USP10: variants seen among roughly 807,000 people sequenced by gnomAD.
USP10 encodes ubiquitin carboxyl-terminal hydrolase 10.
Under a neutral mutation model 84.5 loss-of-function variants are expected in USP10, and 22 were observed. That is an observed-to-expected ratio of 0.26 (90% CI 0.19 to 0.37). USP10 has a LOEUF of 0.37. Among genes scored for constraint, USP10 ranks in the 10% least tolerant of loss-of-function variants. The probability of loss-of-function intolerance (pLI) is 1.00; values close to 1 mark genes in which losing one functional copy is unlikely to be tolerated. For missense variants in USP10, 1,019 were observed against 998.9 expected, an observed-to-expected ratio of 1.02 and a Z score of -0.27; for synonymous variants, 454 against 387.6, an observed-to-expected ratio of 1.17 and a Z score of -2.01.
At chr16:84,712,794 G>A (rs1019268398) in intron 1 of USP10, among the ~76,000 whole-genome samples, 1 of 152,150 alleles carries the variant, frequency 6.6e-6, no homozygotes, top group East Asian at 1.9e-4. Flanking sequence ...TTGAATCCAG[G>A]TGACTGACCC....
At chr16:84,738,030 C>G (rs183608694) in intron 2 of USP10, among the ~76,000 whole-genome samples, 1 of 152,244 alleles carries the variant, frequency 6.6e-6, no homozygotes, top group South Asian at 2.1e-4. Context: ...TGTTCACACC[C>G]CGTGGTTGAA....
At chr16:84,717,604 A>G (rs890680277) in intron 1 of USP10, among the ~76,000 whole-genome samples, 2 of 152,186 alleles carry the variant, frequency 1.3e-5, no homozygotes, top group Non-Finnish European at 2.9e-5. Flanking sequence ...GGTGCCAAGC[A>G]TTTTACTAGG....
At chr16:84,742,718 C>T (rs573326518) in intron 3 of USP10, among the ~76,000 whole-genome samples, 1 of 152,336 alleles carries the variant, frequency 6.6e-6, no homozygotes, top group Admixed American at 6.5e-5. Context: ...GTGCAAGGCA[C>T]ATGGCGTCCA....
At chr16:84,725,193 C>G (rs957741394) in intron 1 of USP10, among the ~76,000 whole-genome samples, 2 of 152,158 alleles carry the variant, frequency 1.3e-5, no homozygotes, top group Non-Finnish European at 2.9e-5. Context: ...CACCGCCTCC[C>G]GCTCCCCCAT....
intron 13 of USP10, among the ~76,000 whole-genome samples, chr16:84,778,047 G>A (rs940092129): frequency 6.7e-6 from 1 of 148,840 alleles, no homozygotes; most frequent in Non-Finnish European, 1.5e-5. Context: ...TTAGGCCTTT[G>A]ACTAAGGCTT....
intron 4 of USP10, among the ~76,000 whole-genome samples, chr16:84,756,777 A>C (rs777765397): frequency 6.6e-6 from 1 of 152,234 alleles, no homozygotes; most frequent in East Asian, 1.9e-4. Context: ...CCTTTTTAAC[A>C]CTGCAATGAC....
intron 1 of USP10, chr16:84,708,844 ACTTTATAT>A (rs1194173834): frequency 6.6e-6 from 1 of 152,186 alleles, no homozygotes. Context: ...CATATGAAGG[ACTTTATAT>A]CTTTTGTGAT....
intron 11 of USP10, among the ~76,000 whole-genome samples, chr16:84,770,811 T>C (rs981290462): frequency 1.6e-4 from 24 of 149,548 alleles, no homozygotes; most frequent in African/African-American, 5.2e-4. Context: ...CTGATGCCTG[T>C]AATCCCAGCA....
At chr16:84,765,348 C>T (rs944040541) in intron 10 of USP10, among the ~76,000 whole-genome samples, 2 of 152,166 alleles carry the variant, frequency 1.3e-5, no homozygotes, top group South Asian at 2.1e-4. Context: ...AGCTCTTGTC[C>T]GATGTTCCAC....
intron 4 of USP10, among the ~76,000 whole-genome samples, chr16:84,746,243 C>T (rs142372999): frequency 6.6e-6 from 1 of 152,122 alleles, no homozygotes; most frequent in African/African-American, 2.4e-5. Flanking sequence ...AAACAATTCA[C>T]AATAAAAATA....
chr16:84,760,100 G>A, intron 7 of USP10, 72 bp from the exon 8 acceptor site: 1 of 1,531,272 alleles, frequency 6.5e-7, no homozygotes, highest in Non-Finnish European at 8.9e-7. Flanking sequence ...GGGGAGTTTT[G>A]ATGATGTTGC....
chr16:84,760,775 G>A (rs898602772), intron 8 of USP10, among the ~76,000 whole-genome samples: 1 of 152,244 alleles, frequency 6.6e-6, no homozygotes. Flanking sequence ...CAAGGGGCCA[G>A]GGAGCCCTTA....
chr16:84,704,694 G>T, intron 1 of USP10: 1 of 1,480,538 alleles, frequency 6.8e-7, no homozygotes, highest in Non-Finnish European at 8.9e-7. Context: ...AGAATCTTCA[G>T]ATCCTAGATT....
chr16:84,736,583 G>A (rs1009911431), intron 2 of USP10, among the ~76,000 whole-genome samples: 2 of 152,190 alleles, frequency 1.3e-5, no homozygotes, highest in Admixed American at 6.5e-5. Flanking sequence ...AACCTCAGTC[G>A]TAATCCTGTT....
At chr16:84,740,968 G>T (rs903424041) in intron 3 of USP10, among the ~76,000 whole-genome samples, 1 of 152,236 alleles carries the variant, frequency 6.6e-6, no homozygotes, top group Non-Finnish European at 1.5e-5. Flanking sequence ...TACCAACAAG[G>T]TTGTTTAATT....
chr16:84,775,389 C>T (rs561991327), intron 13 of USP10, among the ~76,000 whole-genome samples, 164 bp downstream of exon 13: 4 of 152,304 alleles, frequency 2.6e-5, no homozygotes, highest in African/African-American at 9.6e-5. Context: ...ACCTGAAACT[C>T]TGCGTAGATG....
intron 1 of USP10, among the ~76,000 whole-genome samples, chr16:84,702,803 A>G (rs1203616945): frequency 6.6e-6 from 1 of 151,788 alleles, no homozygotes; most frequent in Non-Finnish European, 1.5e-5. Flanking sequence ...GATCAGCCTG[A>G]CCAATATAGT....
chr16:84,705,778 G>A (rs1343131542), intron 1 of USP10, among the ~76,000 whole-genome samples: 2 of 140,418 alleles, frequency 1.4e-5, no homozygotes, highest in Non-Finnish European at 3.0e-5. Flanking sequence ...GGAATGCAGT[G>A]GTGCGATCTG....
At chr16:84,735,728 G>C (rs1374171947) in intron 2 of USP10, among the ~76,000 whole-genome samples, 1 of 152,162 alleles carries the variant, frequency 6.6e-6, no homozygotes, top group Non-Finnish European at 1.5e-5. Context: ...TCAAGCTTCA[G>C]AACTCGTAGT....
Sources: allele counts gnomAD v4.1 joint callset (sites outside exome capture counted in the v4.1 genomes callset), GRCh38; gene constraint gnomAD v4.1.1; transcripts MANE v1.5; gene names NCBI Gene and HGNC (gene_info 2026-07-23, HGNC 2026-07-21).